NKAIN3: variants seen among roughly 807,000 people sequenced by gnomAD.
The protein encoded by NKAIN3 is sodium/potassium-transporting ATPase subunit beta-1-interacting protein 3.
A neutral mutation model predicts 30.2 loss-of-function variants in NKAIN3; 25 were observed. The ratio of observed to expected loss-of-function variants is 0.83; its 90% CI spans 0.60 to 1.16. The LOEUF (loss-of-function observed/expected upper bound fraction) is 1.16, where lower values mean the gene tolerates loss of function less well. NKAIN3 is among the 50% of genes most tolerant of loss of function. The pLI is 0.00. For missense variants in NKAIN3, 225 were observed against 254.1 expected (o/e 0.89, Z 0.78); for synonymous variants, 91 against 89.6 (o/e 1.02, Z -0.09).
chr8:62,334,436 C>G (rs749382757), intron 1 of NKAIN3, among the ~76,000 whole-genome samples: 14 of 152,050 alleles, frequency 9.2e-5, no homozygotes, highest in Non-Finnish European at 1.9e-4. Flanking sequence ...ACTTCCCACA[C>G]TATATAAGGA....
chr8:62,454,301 C>CAAAAAAAAAAAAA lies in NKAIN3; in HGVS notation c.55-125228_55-125216dup, dbSNP rs201511724. ...ACCAACACTAACAATAGCTGATGTG[C>CAAAAAAAAAAAAA]AAAAAAAAAAAAAAAAAAAAAATCT... On this transcript the variant is annotated intron_variant, in intron 1 of 6. Transcript: ENST00000623646. 2.2e-3 allele frequency among the ~76,000 whole-genome samples: 126 copies of CAAAAAAAAAAAAA among 56,148 alleles called. 11 individuals are homozygous for CAAAAAAAAAAAAA. The highest frequency in any genetic ancestry group is 0.01 in the Middle Eastern group (1 of 96). 36.8% of individuals were successfully genotyped at this position (56,148 alleles called of 152,430 possible).
At chr8:62,252,392 G>C (rs1486782259) in intron 1 of NKAIN3, among the ~76,000 whole-genome samples, 2 of 152,168 alleles carry the variant, frequency 1.3e-5, no homozygotes, top group African/African-American at 2.4e-5. Flanking sequence ...CTGAACTACT[G>C]TCTGGAGTGG....
chr8:62,876,864 C>G (rs942506814), intron 4 of NKAIN3, among the ~76,000 whole-genome samples: 1 of 151,832 alleles, frequency 6.6e-6, no homozygotes, highest in South Asian at 2.1e-4. Flanking sequence ...GTGCAGCAAA[C>G]CATCATGGCA....
chr8:62,353,061 T>C (rs554236118), intron 1 of NKAIN3, among the ~76,000 whole-genome samples: 113 of 152,196 alleles, frequency 7.4e-4, no homozygotes, highest in Non-Finnish European at 9.7e-4. Flanking sequence ...AGGCTGTGTC[T>C]TTAAGTTAAA....
Position 62,538,937 on chromosome 8 carries a change from T to C in NKAIN3, c.55-40602T>C, listed in dbSNP as rs572677590. On this transcript the variant is annotated intron_variant, in intron 1 of 6. Transcript: ENST00000623646. ...CCTTATTTCATTTTACTTTGTATCA[T>C]TTTACATATTAAATAATTGCCTGTT... Among the ~76,000 whole-genome samples the C allele has an allele frequency of 3.9e-5, 6 of 152,332 alleles. No homozygotes were observed. The South Asian group carries it at 1.2e-3, about 32-fold the overall frequency.
chr8:62,911,968 G>C (rs144607009), intron 4 of NKAIN3, among the ~76,000 whole-genome samples: 34 of 152,208 alleles, frequency 2.2e-4, no homozygotes, highest in African/African-American at 7.5e-4. Context: ...ATGCCAGAAG[G>C]TCATATGTCA....
intron 1 of NKAIN3, among the ~76,000 whole-genome samples, chr8:62,352,092 A>C (rs1301001753): frequency 6.6e-6 from 1 of 152,168 alleles, no homozygotes; most frequent in Non-Finnish European, 1.5e-5. Flanking sequence ...ATCAGCTACA[A>C]ATTGGAGAGA....
At chr8:62,333,790 A>G (rs541953896) in intron 1 of NKAIN3, among the ~76,000 whole-genome samples, 1 of 152,242 alleles carries the variant, frequency 6.6e-6, no homozygotes, top group East Asian at 1.9e-4. Context: ...TAGAATGAGT[A>G]ACTAAAAGCC....
At chr8:62,595,254 C>T (rs1480194) in intron 3 of NKAIN3, among the ~76,000 whole-genome samples, 4 of 151,820 alleles carry the variant, frequency 2.6e-5, no homozygotes, top group East Asian at 1.9e-4. Context: ...AGATGTTAAA[C>T]GCTTCTGATA....
intron 4 of NKAIN3, among the ~76,000 whole-genome samples, chr8:62,751,726 C>T (rs887649385): frequency 6.6e-6 from 1 of 151,776 alleles, no homozygotes; most frequent in Admixed American, 6.6e-5. Context: ...CATATATATA[C>T]TATAGCGAGT....
intron 3 of NKAIN3, among the ~76,000 whole-genome samples, chr8:62,697,589 C>T (rs1814201497): frequency 6.6e-6 from 1 of 152,028 alleles, no homozygotes; most frequent in Admixed American, 6.6e-5. Context: ...TTTGTTGTTT[C>T]TCCCCTCCCC....
intron 1 of NKAIN3, among the ~76,000 whole-genome samples, chr8:62,445,599 A>G (rs1805465034): frequency 6.6e-6 from 1 of 152,170 alleles, no homozygotes; most frequent in Non-Finnish European, 1.5e-5. Context: ...CAAGTTGGGG[A>G]GGCACCAAGA....
intron 3 of NKAIN3, among the ~76,000 whole-genome samples, chr8:62,601,333 G>A (rs371844341): frequency 6.6e-6 from 1 of 151,864 alleles, no homozygotes; most frequent in Non-Finnish European, 1.5e-5. Context: ...GAGGAATGGA[G>A]GTAGGGTACA....
intron 4 of NKAIN3, among the ~76,000 whole-genome samples, chr8:62,794,374 C>T (rs1018794810): frequency 6.6e-5 from 10 of 152,054 alleles, no homozygotes; most frequent in Admixed American, 3.9e-4. Context: ...ATCCATTCAA[C>T]AGTCACTAAT....
chr8:62,368,729 G>T (rs1051120221), intron 1 of NKAIN3, among the ~76,000 whole-genome samples: 1 of 151,890 alleles, frequency 6.6e-6, no homozygotes, highest in Non-Finnish European at 1.5e-5. Context: ...ACTCAGACTG[G>T]TATCATACTT....
chr8:62,673,003 G>A (rs150429524), intron 3 of NKAIN3, among the ~76,000 whole-genome samples: 52 of 152,240 alleles, frequency 3.4e-4, no homozygotes, highest in African/African-American at 1.2e-3. Flanking sequence ...CATGCCCTAT[G>A]TTATCTTATT....
At chr8:62,614,858 C>T (rs1035177157) in intron 3 of NKAIN3, among the ~76,000 whole-genome samples, 1 of 152,116 alleles carries the variant, frequency 6.6e-6, no homozygotes, top group South Asian at 2.1e-4. Flanking sequence ...CTTAAATCAG[C>T]TTGTCATGAA....
At position 62,337,459 on chromosome 8, in the gene NKAIN3, GA is replaced by G. The variant is rs922905823; in HGVS notation, c.54+88341del. Among the ~76,000 whole-genome samples, 6 of 149,472 alleles carry G rather than the reference GA, an allele frequency of 4.0e-5. No homozygotes were observed. The South Asian group carries it at 6.4e-4, about 16-fold the overall frequency. On this transcript the variant is annotated intron_variant, in intron 1 of 6. Coordinates refer to ENST00000623646, the MANE Select transcript of NKAIN3 (RefSeq NM_001304533.3). ...ACAGAATGAAGTATATCAGGGGCAG[GA>G]AAAAAAAACATATAGGCACTCCTAT...
chr8:62,757,654 G>A (rs764926543), intron 4 of NKAIN3, among the ~76,000 whole-genome samples: 7 of 152,202 alleles, frequency 4.6e-5, no homozygotes, highest in Non-Finnish European at 7.4e-5. Context: ...TCCATCTAAG[G>A]CGTTCACTCT....
Sources: allele counts gnomAD v4.1 joint callset (sites outside exome capture counted in the v4.1 genomes callset), GRCh38; gene constraint gnomAD v4.1.1; transcripts MANE v1.5; gene names NCBI Gene and HGNC (gene_info 2026-07-23, HGNC 2026-07-21).